The following IARS1 variants were observed in gnomAD, a reference collection of about 807,000 sequenced individuals.
IARS1 encodes isoleucine--tRNA ligase, cytoplasmic.
Under a neutral mutation model 168.2 loss-of-function variants are expected in IARS1, and 124 were observed. That is an observed-to-expected ratio of 0.74 (90% CI 0.64 to 0.86). IARS1 has a LOEUF of 0.86. Ranked by LOEUF, IARS1 falls within the 40% of genes least tolerant of loss-of-function variation. The pLI is 0.00. For synonymous variants in IARS1, 532 were observed against 529.4 expected, an observed-to-expected ratio of 1.00 and a Z score of -0.07; for missense variants, 1,452 against 1,515.8, an observed-to-expected ratio of 0.96 and a Z score of 0.70.
In IARS1 at chr9:92,280,880, G is replaced by A; in HGVS notation, c.611C>T (p.Pro204Leu). Residue 204 changes from proline (P) to leucine (L), a missense_variant, in exon 7 of 34, where the codon CCT (proline) becomes CTT (leucine). Transcript: ENST00000443024. Reference protein sequence around the residue: ...SHQNYKDVQDPSVFVTFPLEE... With the variant: ...SHQNYKDVQDLSVFVTFPLEE... ...CAAAGGGAAAGTTACAAATACTGAA[G>A]GATCTTGAACATCCTGAAATAAATT... 1 of 1,609,634 alleles carries A rather than the reference G, an allele frequency of 6.2e-7. No homozygotes were observed. Among genetic ancestry groups the A allele is most frequent in the Non-Finnish European group, 8.5e-7 (1 of 1,176,806 alleles).
At chr9:92,261,257 C>T (rs10156530) in intron 17 of IARS1, among the ~76,000 whole-genome samples, 32,483 of 151,558 alleles carry the variant, frequency 0.21, 4,414 homozygotes, top group African/African-American at 0.38. Context: ...TGCAGTGAGC[C>T]GAGATCACGC....
intron 13 of IARS1, 114 bp from the exon 14 acceptor site, chr9:92,268,414 C>CGTG: frequency 9.9e-7 from 1 of 1,010,444 alleles, no homozygotes; most frequent in South Asian, 1.4e-5. Flanking sequence ...ACTCTGGAAA[C>CGTG]GTGGCGCTCA....
chr9:92,249,848 T>A lies in IARS1; in HGVS notation c.2616+10A>T, dbSNP rs1295528344. Reference sequence around the variant, plus strand: ...ATCTGTACCAAAAACAGACAAATCATCTACCTTACCTCAATGATATACTTC... The same window carrying A: ...ATCTGTACCAAAAACAGACAAATCAACTACCTTACCTCAATGATATACTTC... On this transcript the variant is annotated intron_variant, in intron 25 of 33. Transcript: ENST00000443024. The A allele has an allele frequency of 1.4e-6, 2 of 1,466,766 alleles. No homozygotes were observed. The highest frequency in any genetic ancestry group is 1.9e-6 in the Non-Finnish European group (2 of 1,053,936). 90.9% of individuals were successfully genotyped at this position (1,466,766 alleles called of 1,614,324 possible). A position where few individuals can be genotyped will look rare whatever the true frequency, so the allele number is the denominator to read the frequency against.
intron 33 of IARS1, among the ~76,000 whole-genome samples, chr9:92,220,060 C>T (rs1341994677): frequency 1.4e-5 from 2 of 145,506 alleles, no homozygotes; most frequent in Non-Finnish European, 3.0e-5. Flanking sequence ...AAATGTGGCA[C>T]ATATACAACA....
At chr9:92,262,101 G>A (rs149970044) in intron 17 of IARS1, among the ~76,000 whole-genome samples, 2 of 150,942 alleles carry the variant, frequency 1.3e-5, no homozygotes, top group Non-Finnish European at 2.9e-5. Context: ...ACATACTACA[G>A]AGGCAGACTG....
chr9:92,277,659 A>C (rs1486091630), intron 9 of IARS1, among the ~76,000 whole-genome samples: 1 of 141,050 alleles, frequency 7.1e-6, no homozygotes, highest in Non-Finnish European at 1.5e-5. Context: ...TGGGGGACAG[A>C]GGAAACCCTG....
chr9:92,236,807 T>G (rs145216558), intron 30 of IARS1, among the ~76,000 whole-genome samples: 5 of 152,322 alleles, frequency 3.3e-5, no homozygotes, highest in African/African-American at 9.6e-5. Context: ...TGAGTTGGCA[T>G]CACTGCACTG....
Position 92,258,839 on chromosome 9 carries a change from C to G in IARS1, c.2016+15G>C. ...AGACACGGCAGGTACATGTGCAGCC[C>G]CCTACAGCCCATACCTTCTGGAGCC... On this transcript the variant is annotated intron_variant, in intron 19 of 33. Transcript: ENST00000443024. 1 of 1,592,500 alleles carries G rather than the reference C, an allele frequency of 6.3e-7. No homozygotes were observed. Among genetic ancestry groups the G allele is most frequent in the Non-Finnish European group, 8.5e-7 (1 of 1,171,742 alleles).
At chr9:92,227,370 C>A (rs1407710167) in intron 31 of IARS1, among the ~76,000 whole-genome samples, 3 of 150,090 alleles carry the variant, frequency 2.0e-5, no homozygotes. Context: ...CCTCACTTCC[C>A]AGTAGGGGCG....
intron 6 of IARS1, among the ~76,000 whole-genome samples, chr9:92,284,064 GCTA>G (rs1328984697): frequency 6.6e-6 from 1 of 152,108 alleles, no homozygotes; most frequent in Non-Finnish European, 1.5e-5. Context: ...TGTAGTCCCA[GCTA>G]CTCAGGGGGC....
At chr9:92,228,453 T>G (rs540235701) in intron 31 of IARS1, among the ~76,000 whole-genome samples, 2 of 152,258 alleles carry the variant, frequency 1.3e-5, no homozygotes, top group Admixed American at 1.3e-4. Context: ...AGCTCACACC[T>G]GGAATCTCGG....
intron 14 of IARS1, 112 bp from the exon 15 acceptor site, chr9:92,265,665 C>CTT: frequency 1.1e-6 from 1 of 883,266 alleles, no homozygotes; most frequent in East Asian, 2.5e-5. Context: ...TTTCTTTTTC[C>CTT]TTTTTTTTTG....
chr9:92,215,897 G>A (rs1290190226), intron 33 of IARS1, among the ~76,000 whole-genome samples: 1 of 151,934 alleles, frequency 6.6e-6, no homozygotes, highest in Non-Finnish European at 1.5e-5. Context: ...GCAGGCCAAC[G>A]TTCAGATTCA....
At chr9:92,261,326 AG>A (rs1831496537) in intron 17 of IARS1, among the ~76,000 whole-genome samples, 1 of 152,100 alleles carries the variant, frequency 6.6e-6, no homozygotes, top group Admixed American at 6.6e-5. Context: ...AGAAAAAAAA[AG>A]CCAATTCCCC....
Position 92,271,550 on chromosome 9 carries a change from C to G in IARS1, c.1096G>C (p.Ala366Pro). The G allele has an allele frequency of 6.2e-7, 1 of 1,614,028 alleles. No homozygotes were observed. Among genetic ancestry groups the G allele is most frequent in the Non-Finnish European group, 8.5e-7 (1 of 1,179,932 alleles). ...TTACAGACCTTCACATACTGTCCTG[C>G]GAAATCTGTCACCTCCGTTGTGAAG... ...GCFTTEVTDF[A>P]GQYVKDADKS... Residue 366 changes from alanine to proline, a missense_variant, in exon 11 of 34, where the codon GCA (alanine) becomes CCA (proline). Physicochemically the swap from Ala to Pro is conservative, Grantham distance 27 (BLOSUM62 -1). Transcript: ENST00000443024.
intron 30 of IARS1, among the ~76,000 whole-genome samples, chr9:92,232,734 A>G (rs1277883433): frequency 6.6e-6 from 1 of 152,180 alleles, no homozygotes; most frequent in Admixed American, 6.5e-5. Context: ...GGATTGCTTG[A>G]GTCCAGGAGT....
intron 26 of IARS1, among the ~76,000 whole-genome samples, chr9:92,246,069 C>T (rs1394028839): frequency 1.3e-5 from 2 of 152,150 alleles, no homozygotes; most frequent in Non-Finnish European, 2.9e-5. Flanking sequence ...AGTCACCACC[C>T]CCAGCCATCT....
chr9:92,229,022 C>T lies in IARS1; in HGVS notation c.3388G>A (p.Ala1130Thr), dbSNP rs139893778. 6.8e-6 allele frequency: 11 copies of T among 1,613,986 alleles called. No homozygotes were observed. The highest frequency in any genetic ancestry group is 1.6e-4 in the Middle Eastern group (1 of 6,084). ...ATACCTGTTTCATCATGGAAGACAG[C>T]CAGCTCTGTATTTTTCACACCAAAA... The part of the protein sequence containing the change: ...SIFGVKNTEL[A>T]VFHDETEIQN... Residue 1130 changes from alanine (A) to threonine (T), a missense_variant, in exon 31 of 34, where the codon GCT becomes ACT. Transcript: ENST00000443024.
At chr9:92,277,538 T>C (rs747924231) in intron 9 of IARS1, among the ~76,000 whole-genome samples, 15 of 151,804 alleles carry the variant, frequency 9.9e-5, no homozygotes, top group Admixed American at 3.3e-4. Flanking sequence ...CTTAGCCCGG[T>C]GTGGTGCTGT....
Sources: gnomAD v4.1 joint callset for allele counts (sites outside exome capture counted in the v4.1 genomes callset) on GRCh38, gnomAD v4.1.1 for gene constraint, MANE v1.5 for transcripts, NCBI Gene and HGNC (gene_info 2026-07-23, HGNC 2026-07-21) for gene names.